Variants in SLC14A2 observed in about 807,000 individuals in gnomAD.
SLC14A2 encodes the protein solute carrier family 14 member 2, also known as urea transporter 2.
In SLC14A2, 91 loss-of-function variants were observed where a neutral mutation model predicts 104.6. The ratio of observed to expected loss-of-function variants is 0.87; its 90% CI spans 0.73 to 1.04. SLC14A2 has a LOEUF of 1.04. Among genes scored for constraint, SLC14A2 ranks in the 50% least tolerant of loss-of-function variants. The pLI is 0.00. For missense variants in SLC14A2, 1,189 were observed against 1,156.0 expected (o/e 1.03, Z -0.41); for synonymous variants, 476 against 466.4 (o/e 1.02, Z -0.27).
intron 2 of SLC14A2, among the ~76,000 whole-genome samples, chr18:45,596,769 A>C (rs1377805386): frequency 2.0e-5 from 3 of 152,160 alleles, no homozygotes; most frequent in African/African-American, 7.2e-5. Context: ...AGATTATGAA[A>C]CTTAATACAG....
chr18:45,291,974 A>G (rs2084874313), intron 1 of SLC14A2, among the ~76,000 whole-genome samples: 1 of 152,026 alleles, frequency 6.6e-6, no homozygotes, highest in South Asian at 2.1e-4. Flanking sequence ...ATCCTTTCTA[A>G]ATGGCTAAGA....
chr18:45,299,685 C>T (rs1353813936), intron 1 of SLC14A2, among the ~76,000 whole-genome samples: 1 of 152,208 alleles, frequency 6.6e-6, no homozygotes, highest in Non-Finnish European at 1.5e-5. Context: ...TGGTCTTGAA[C>T]TCCTGACCTC....
At chr18:45,210,278 C>T (rs1599575050), upstream of SLC14A2, among the ~76,000 whole-genome samples, 1 of 152,162 alleles carries the variant, frequency 6.6e-6, no homozygotes, top group Non-Finnish European at 1.5e-5. Flanking sequence ...GATAACCCTC[C>T]AAAAGCAGTA....
intron 1 of SLC14A2, among the ~76,000 whole-genome samples, chr18:45,473,406 A>T (rs556335257): frequency 1.3e-5 from 2 of 152,314 alleles, no homozygotes; most frequent in South Asian, 4.1e-4. Context: ...TTTTCTAATT[A>T]TGAGAAGAAA....
intron 1 of SLC14A2, among the ~76,000 whole-genome samples, chr18:45,233,960 A>G (rs2084201195): frequency 6.6e-6 from 1 of 151,992 alleles, no homozygotes; most frequent in Non-Finnish European, 1.5e-5. Flanking sequence ...TCATTAGCAG[A>G]ATGCAAGCTT....
At chr18:45,265,786 G>C (rs1427362123) in intron 1 of SLC14A2, among the ~76,000 whole-genome samples, 1 of 152,178 alleles carries the variant, frequency 6.6e-6, no homozygotes, top group Non-Finnish European at 1.5e-5. Context: ...TTTATAAGCA[G>C]AGAGTGAGTT....
intron 1 of SLC14A2, among the ~76,000 whole-genome samples, chr18:45,294,111 G>C (rs562861062): frequency 6.6e-6 from 1 of 152,222 alleles, no homozygotes; most frequent in African/African-American, 2.4e-5. Context: ...AGTTATCAAA[G>C]GATGCCTCCA....
At chr18:45,381,692 C>T (rs973187809) in intron 1 of SLC14A2, among the ~76,000 whole-genome samples, 9 of 152,122 alleles carry the variant, frequency 5.9e-5, no homozygotes, top group Admixed American at 5.2e-4. Flanking sequence ...TTGGGAATAA[C>T]ACTTTTTTGT....
At chr18:45,506,547 T>C (rs1021624150) in intron 2 of SLC14A2, among the ~76,000 whole-genome samples, 1 of 151,896 alleles carries the variant, frequency 6.6e-6, no homozygotes, top group African/African-American at 2.4e-5. Context: ...AATCCAATAA[T>C]GGAAGAGACA....
At chr18:45,537,774 G>A (rs1385083635) in intron 2 of SLC14A2, among the ~76,000 whole-genome samples, 1 of 152,180 alleles carries the variant, frequency 6.6e-6, no homozygotes, top group Non-Finnish European at 1.5e-5. Context: ...ATCCAGATAA[G>A]AGTTGCCCCT....
intron 2 of SLC14A2, among the ~76,000 whole-genome samples, chr18:45,537,147 G>A (rs1428214220): frequency 6.6e-6 from 1 of 150,598 alleles, no homozygotes; most frequent in African/African-American, 2.4e-5. Context: ...TTCTCTTCTA[G>A]GTGCTGAAGA....
intron 1 of SLC14A2, among the ~76,000 whole-genome samples, chr18:45,471,085 G>C (rs1419246252): frequency 6.6e-6 from 1 of 152,038 alleles, no homozygotes; most frequent in Non-Finnish European, 1.5e-5. Context: ...TTAAATTTCA[G>C]CCTCCAGTTT....
At chr18:45,479,422 C>T (rs546436670) in intron 1 of SLC14A2, among the ~76,000 whole-genome samples, 1 of 152,286 alleles carries the variant, frequency 6.6e-6, no homozygotes, top group South Asian at 2.1e-4. Flanking sequence ...AGAACTTTAA[C>T]AATGAATTCT....
intron 1 of SLC14A2, among the ~76,000 whole-genome samples, chr18:45,333,718 A>G (rs1882265927): frequency 1.3e-5 from 2 of 152,132 alleles, no homozygotes. Flanking sequence ...AGTCTTTAAT[A>G]CGCCTTGTCA....
At chr18:45,281,726 G>A (rs2084764411) in intron 1 of SLC14A2, among the ~76,000 whole-genome samples, 1 of 152,184 alleles carries the variant, frequency 6.6e-6, no homozygotes, top group Non-Finnish European at 1.5e-5. Context: ...TAAGGAGGGT[G>A]AAGTCATCCT....
At chr18:45,643,824 C>T (rs879606680) in intron 9 of SLC14A2, among the ~76,000 whole-genome samples, 162 bp from the exon 10 acceptor site, 3 of 152,200 alleles carry the variant, frequency 2.0e-5, no homozygotes, top group Non-Finnish European at 4.4e-5. Flanking sequence ...GCCCTAAATT[C>T]TTTGACCAAC....
rs58962313 is a variant in SLC14A2, at chr18:45,388,064, C to CTTTTTTTTTTTTT, written c.-124-95151_-124-95139dup. ...TGCCCTAAGCTCACCTTGCTCATAT[C>CTTTTTTTTTTTTT]TTTTTTTTTTTTTTTTTTTTTTTTT... On this transcript the variant is annotated intron_variant, in intron 1 of 20. Transcript: ENST00000586448. Among the ~76,000 whole-genome samples the CTTTTTTTTTTTTT allele has an allele frequency of 7.2e-5, 5 of 69,092 alleles. 1 individual carries two copies. The highest frequency in any genetic ancestry group is 3.0e-4 in the African/African-American group (5 of 16,640). The allele number at this position is 69,092 out of a possible 152,430, so 45.3% of individuals were successfully genotyped here. A position where few individuals can be genotyped will look rare whatever the true frequency, so the allele number is the denominator to read the frequency against.
intron 1 of SLC14A2, among the ~76,000 whole-genome samples, chr18:45,616,521 G>A (rs780825285): frequency 2.6e-5 from 4 of 152,098 alleles, no homozygotes; most frequent in South Asian, 2.1e-4. Context: ...GCAGTGGCAC[G>A]ACCAAGTCAT....
chr18:45,406,325 A>C (rs2086154497), intron 1 of SLC14A2, among the ~76,000 whole-genome samples: 1 of 152,216 alleles, frequency 6.6e-6, no homozygotes, highest in African/African-American at 2.4e-5. Context: ...AAATTTGATC[A>C]TGAGATTGCA....
Sources: gnomAD v4.1 joint callset for allele counts (sites outside exome capture counted in the v4.1 genomes callset) on GRCh38, gnomAD v4.1.1 for gene constraint, MANE v1.5 for transcripts, NCBI Gene and HGNC (gene_info 2026-07-23, HGNC 2026-07-21) for gene names.